ARSK: variants seen among roughly 807,000 people sequenced by gnomAD.
ARSK encodes arylsulfatase family member K.
Under a neutral mutation model 53.2 loss-of-function variants are expected in ARSK, and 37 were observed. That is an observed-to-expected ratio of 0.70 (90% CI 0.54 to 0.92). The LOEUF (loss-of-function observed/expected upper bound fraction) is 0.92, where lower values mean the gene tolerates loss of function less well. Ranked by LOEUF, ARSK falls within the 40% of genes least tolerant of loss-of-function variation. ARSK has a pLI of 0.00. For missense variants in ARSK, 613 were observed against 643.0 expected, an observed-to-expected ratio of 0.95 and a Z score of 0.51; for synonymous variants, 208 against 223.2, an observed-to-expected ratio of 0.93 and a Z score of 0.61.
chr5:95,573,527 A>G (rs1748870093), intron 3 of ARSK, among the ~76,000 whole-genome samples: 1 of 152,192 alleles, frequency 6.6e-6, no homozygotes, highest in Non-Finnish European at 1.5e-5. Flanking sequence ...TCACAGCACA[A>G]AATTCTTCAG....
Position 95,555,478 on chromosome 5 carries a change from G to A in ARSK, c.126+74G>A. ...CTCACCGCCGCCGCCTGTGCTGCAG[G>A]CTTTGGGGAGCAGAACCTGAGACAT... is the stretch of plus-strand genomic sequence containing the variant. On this transcript the variant is annotated intron_variant, in intron 1 of 7. Coordinates refer to ENST00000380009, the MANE Select transcript of ARSK (RefSeq NM_198150.3). This position sits in a 1 kb window ranked among gnomAD's most constrained non-coding sequence, Gnocchi z 4.0. 12 of 1,480,924 alleles carry A rather than the reference G, an allele frequency of 8.1e-6. No individual in the cohort carries two copies. Among genetic ancestry groups the A allele is most frequent in the Middle Eastern group, 2.5e-4 (1 of 3,972 alleles). 91.7% of individuals were successfully genotyped at this position (1,480,924 alleles called of 1,614,324 possible). A position where few individuals can be genotyped will look rare whatever the true frequency, so the allele number is the denominator to read the frequency against.
intron 1 of ARSK, chr5:95,556,747 C>A (rs1055623877): frequency 6.6e-6 from 1 of 152,566 alleles, no homozygotes; most frequent in African/African-American, 2.4e-5. Context: ...CGGTGGCTCA[C>A]GCCTGTAATC....
In ARSK at chr5:95,582,897, T is replaced by C; in HGVS notation, c.417-19T>C. On this transcript the variant is annotated intron_variant, in intron 3 of 7. Transcript: ENST00000380009. Reference sequence around the variant, plus strand: ...TTTTTAATATACCTGACAATATATGTGTCTTTTTGCCCCCTCAGTAATCGT... The same window carrying C: ...TTTTTAATATACCTGACAATATATGCGTCTTTTTGCCCCCTCAGTAATCGT... The C allele has an allele frequency of 3.2e-6, 5 of 1,576,048 alleles. No individual in the cohort carries two copies. The highest frequency in any genetic ancestry group is 4.3e-6 in the Non-Finnish European group (5 of 1,157,624).
At chr5:95,597,675 C>T (rs1021838397) in intron 6 of ARSK, among the ~76,000 whole-genome samples, 4 of 152,172 alleles carry the variant, frequency 2.6e-5, no homozygotes, top group Non-Finnish European at 4.4e-5. Context: ...GGGCAGATCA[C>T]TTGAGGTCAA....
intron 6 of ARSK, among the ~76,000 whole-genome samples, chr5:95,595,528 G>A (rs1749292616): frequency 6.6e-6 from 1 of 152,192 alleles, no homozygotes; most frequent in South Asian, 2.1e-4. Flanking sequence ...CAACATGAAT[G>A]GAACTGGAGG....
At chr5:95,593,302 G>C (rs1012004659) in intron 6 of ARSK, among the ~76,000 whole-genome samples, 1 of 151,904 alleles carries the variant, frequency 6.6e-6, no homozygotes, top group African/African-American at 2.4e-5. Context: ...TTCTTTCTCC[G>C]TTTTTCCCTC....
intron 4 of ARSK, among the ~76,000 whole-genome samples, 191 bp from the exon 5 acceptor site, chr5:95,586,371 C>G (rs761058967): frequency 1.3e-5 from 2 of 151,860 alleles, no homozygotes; most frequent in Non-Finnish European, 2.9e-5. Context: ...TGATATATAC[C>G]TTTTGTTATG....
intron 1 of ARSK, among the ~76,000 whole-genome samples, chr5:95,556,029 C>T (rs546646181): frequency 1.3e-5 from 2 of 152,284 alleles, no homozygotes; most frequent in South Asian, 4.1e-4. Context: ...GTCAACCTTA[C>T]GCGATGCTTT....
At chr5:95,592,303 T>C (rs912211120) in intron 6 of ARSK, among the ~76,000 whole-genome samples, 1 of 152,166 alleles carries the variant, frequency 6.6e-6, no homozygotes, top group African/African-American at 2.4e-5. Flanking sequence ...TTCATAAATT[T>C]TGGTGAAAGA....
rs568118376 is a variant in ARSK, at chr5:95,568,305, C to T, written c.416+256C>T. 5.9e-5 allele frequency among the ~76,000 whole-genome samples: 9 copies of T among 152,200 alleles called. No homozygotes were observed. In the South Asian group the frequency reaches 1.2e-3, roughly 21 times the overall value. On this transcript the variant is annotated intron_variant, in intron 3 of 7. Transcript: ENST00000380009. ...AGTGTTTGTAAACTCGTTTAGCCCA[C>T]GCTTTATTTTCATTGAATTTCCTTT...
intron 3 of ARSK, among the ~76,000 whole-genome samples, chr5:95,569,059 G>C (rs1187734750): frequency 2.0e-5 from 3 of 152,084 alleles, no homozygotes; most frequent in African/African-American, 4.8e-5. Flanking sequence ...TGCTGATTTT[G>C]CTGTGTATCC....
At chr5:95,564,238 A>C (rs560490043) in intron 1 of ARSK, among the ~76,000 whole-genome samples, 184 of 152,224 alleles carry the variant, frequency 1.2e-3, no homozygotes, top group African/African-American at 4.4e-3. Flanking sequence ...TCAGCCTCCC[A>C]AAGAGCTGGG....
chr5:95,567,264 TA>T (rs1440140827), intron 2 of ARSK, among the ~76,000 whole-genome samples: 1 of 152,238 alleles, frequency 6.6e-6, no homozygotes, highest in Non-Finnish European at 1.5e-5. Context: ...GACCACTCAG[TA>T]ACTGGTGTTA....
chr5:95,588,544 G>A (rs775101159), intron 5 of ARSK, among the ~76,000 whole-genome samples: 4 of 151,610 alleles, frequency 2.6e-5, no homozygotes, highest in Admixed American at 6.6e-5. Flanking sequence ...AATCTACACC[G>A]GTCTTTTCAC....
At position 95,603,298 on chromosome 5, in the gene ARSK, T is replaced by C; in HGVS notation, c.1383T>C (p.Tyr461=). The C allele has an allele frequency of 6.2e-7, 1 of 1,602,232 alleles. No homozygotes were observed. Among genetic ancestry groups the C allele is most frequent in the East Asian group, 2.2e-5 (1 of 44,712 alleles). Residue 461 remains tyrosine (Y), a synonymous_variant, in exon 8 of 8, where the codon TAT becomes TAC. Coordinates refer to ENST00000380009, the MANE Select transcript of ARSK (RefSeq NM_198150.3). ...CTGTAAAATTTCCAGAAATTACTTA[T>C]TCTTTGGATCAGAAGCTTCATTCCA... The part of the protein sequence containing the change: ...NVAVKFPEIT[Y]SLDQKLHSII...
intron 6 of ARSK, among the ~76,000 whole-genome samples, chr5:95,597,893 C>CA (rs919210007): frequency 0.095 from 8,821 of 93,080 alleles, 501 homozygotes; most frequent in Middle Eastern, 0.18. Context: ...TACTCTGCCT[C>CA]AAAAAAAAAA....
intron 3 of ARSK, among the ~76,000 whole-genome samples, chr5:95,568,746 C>T (rs1561361847): frequency 1.3e-5 from 2 of 152,140 alleles, no homozygotes; most frequent in Admixed American, 6.5e-5. Context: ...CTGGAGTATT[C>T]CCACTATTCC....
At chr5:95,593,385 G>A (rs565918220) in intron 6 of ARSK, among the ~76,000 whole-genome samples, 2 of 152,210 alleles carry the variant, frequency 1.3e-5, no homozygotes, top group African/African-American at 4.8e-5. Context: ...TATCTTTAGG[G>A]AGTTGTCTAC....
At chr5:95,563,139 A>T (rs1748669631) in intron 1 of ARSK, among the ~76,000 whole-genome samples, 2 of 152,226 alleles carry the variant, frequency 1.3e-5, no homozygotes, top group Non-Finnish European at 2.9e-5. Flanking sequence ...CATGAAGTCA[A>T]AAACCAAAAC....
Sources: gnomAD v4.1 joint callset for allele counts (sites outside exome capture counted in the v4.1 genomes callset) on GRCh38, gnomAD v4.1.1 for gene constraint, Gnocchi (gnomAD v3.1) non-coding constraint, MANE v1.5 for transcripts, NCBI Gene and HGNC (gene_info 2026-07-23, HGNC 2026-07-21) for gene names.